ADSL: variants seen among roughly 807,000 people sequenced by gnomAD.
The protein encoded by ADSL is adenylosuccinate lyase, also known as adenylosuccinase.
A neutral mutation model predicts 62.1 loss-of-function variants in ADSL; 44 were observed. The observed-to-expected ratio is 0.71, with a 90% CI of 0.56 to 0.91. The LOEUF (loss-of-function observed/expected upper bound fraction) is 0.91. ADSL is among the 40% of genes least tolerant of loss of function. The pLI is 0.00. For synonymous variants in ADSL, 198 were observed against 220.5 expected (o/e 0.90, Z 0.90); for missense variants, 531 against 627.4 (o/e 0.85, Z 1.64).
Position 40,375,714 on chromosome 22 carries a change from C to A in ADSL, c.89+9216C>A, listed in dbSNP as rs142226519. Reference sequence around the variant, plus strand: ...AAATTATGTGACTTTTCTCACCCTTCTCTAGATATCTAATTAGCCTGCAAG... The same window carrying A: ...AAATTATGTGACTTTTCTCACCCTTATCTAGATATCTAATTAGCCTGCAAG... On this transcript the variant is annotated intron_variant, in intron 2 of 2. Transcript: ENST00000498234. 3.9e-4 allele frequency among the ~76,000 whole-genome samples: 59 copies of A among 150,384 alleles called. No individual in the cohort carries two copies. The Middle Eastern group carries it at 0.01, about 26-fold the overall frequency.
intron 2 of ADSL, among the ~76,000 whole-genome samples, chr22:40,376,832 T>G (rs1274196463): frequency 6.6e-6 from 1 of 152,212 alleles, no homozygotes; most frequent in Non-Finnish European, 1.5e-5. Context: ...TTTTGAAGAT[T>G]AAATAAAATC....
chr22:40,363,518 C>T lies in ADSL; in HGVS notation c.1101+447C>T, dbSNP rs187587606. 9.7e-3 allele frequency among the ~76,000 whole-genome samples: 1,476 copies of T among 151,702 alleles called. 16 individuals are homozygous for T. Among genetic ancestry groups the T allele is most frequent in the Non-Finnish European group, 0.017 (1,122 of 67,886 alleles). ...TGGGAGGCCGAGGCGGGCAGATCAC[C>T]TGAGGTCAGGAGTTCAAGACTAGCC... On this transcript the variant is annotated intron_variant, in intron 10 of 12. Coordinates refer to ENST00000623063, the MANE Select transcript of ADSL (RefSeq NM_000026.4).
Position 40,346,670 on chromosome 22 carries a change from A to T in ADSL, c.112A>T (p.Thr38Ser). 1 of 1,612,880 alleles carries T rather than the reference A, an allele frequency of 6.2e-7. No individual in the cohort carries two copies. The highest frequency in any genetic ancestry group is 8.5e-7 in the Non-Finnish European group (1 of 1,179,712). ...GTTTAGCGACAGGTATAAATTCCGGACATGGCGGCAGCTGTGGCTGTGGCT... is the reference window on the plus strand; with the variant it reads ...GTTTAGCGACAGGTATAAATTCCGGTCATGGCGGCAGCTGTGGCTGTGGCT... ...FVFSDRYKFR[T>S]WRQLWLWLAE... The change falls in exon 1 of 13, where the codon ACA (threonine) becomes TCA (serine). Residue 38 changes from threonine (T) to serine (S), a missense_variant. Thr to Ser is a moderately conservative substitution (Grantham distance 58). Coordinates refer to ENST00000623063, the MANE Select transcript of ADSL (RefSeq NM_000026.4).
intron 2 of ADSL, 111 bp downstream of exon 2, chr22:40,350,146 T>TC (rs1569087160): frequency 3.9e-4 from 408 of 1,039,534 alleles, no homozygotes; most frequent in Non-Finnish European, 5.3e-4. Context: ...TTTTTTTTTT[T>TC]TGAGGCAGAG....
Position 40,346,530 on chromosome 22 carries a change from G to C in ADSL, c.-29G>C, listed in dbSNP as rs2044143205. Reference sequence around the variant, plus strand: ...TCCGCTTCCGCTCTTCCCTGGTCCAGTCCACCCTGGCGGGGTCGCAGGGTT... The same window carrying C: ...TCCGCTTCCGCTCTTCCCTGGTCCACTCCACCCTGGCGGGGTCGCAGGGTT... On this transcript the variant is annotated 5_prime_UTR_variant, in exon 1 of 13. Transcript: ENST00000623063. 6.3e-7 allele frequency: 1 copy of C among 1,592,094 alleles called. No homozygotes were observed. The highest frequency in any genetic ancestry group is 1.7e-5 in the Admixed American group (1 of 57,816).
chr22:40,366,564 G>A lies in ADSL; in HGVS notation c.*42G>A. ...AACGAAAATCATTGTTAATTGCTGAGGCATGAAAATTGTGTTACTATAATG... is the reference window on the plus strand; with the variant it reads ...AACGAAAATCATTGTTAATTGCTGAAGCATGAAAATTGTGTTACTATAATG... On this transcript the variant is annotated 3_prime_UTR_variant, in exon 13 of 13. Transcript: ENST00000623063. 1.4e-6 allele frequency: 2 copies of A among 1,454,216 alleles called. No homozygotes were observed. Among genetic ancestry groups the A allele is most frequent in the Non-Finnish European group, 1.9e-6 (2 of 1,034,954 alleles). The allele number at this position is 1,454,216 out of a possible 1,614,324, so 90.1% of individuals were successfully genotyped here.
Position 40,346,509 on chromosome 22 carries a change from C to T in ADSL, c.-50C>T. ...TCCTGCCCTGGCCTCCAGGTTTCCG[C>T]TTCCGCTCTTCCCTGGTCCAGTCCA... On this transcript the variant is annotated 5_prime_UTR_variant, in exon 1 of 13. Coordinates refer to ENST00000623063, the MANE Select transcript of ADSL (RefSeq NM_000026.4). The T allele has an allele frequency of 6.4e-7, 1 of 1,563,568 alleles. No individual in the cohort carries two copies. The highest frequency in any genetic ancestry group is 8.6e-7 in the Non-Finnish European group (1 of 1,158,562).
At chr22:40,358,085 GT>G (rs1252429495) in intron 4 of ADSL, among the ~76,000 whole-genome samples, 1 of 151,790 alleles carries the variant, frequency 6.6e-6, no homozygotes, top group Non-Finnish European at 1.5e-5. Flanking sequence ...GCCTAATCTT[GT>G]TTTGTTTTCT....
chr22:40,363,367 AGGCAG>A (rs1175003310), intron 10 of ADSL, among the ~76,000 whole-genome samples: 1 of 152,192 alleles, frequency 6.6e-6, no homozygotes, highest in Non-Finnish European at 1.5e-5. Context: ...TAAGTACTTG[AGGCAG>A]ATGGGTTCAT....
In ADSL at chr22:40,365,101, G is replaced by A. The variant is rs372124734; in HGVS notation, c.1368+45G>A. 3.9e-5 allele frequency: 62 copies of A among 1,572,272 alleles called. 1 individual carries two copies. The South Asian group carries it at 5.4e-4, about 14-fold the overall frequency. ...CTTTTCTGCTGGGCTGCAGAACCTGGGGTACTCTCTTTGATGTTTTTGCTT... is the reference window on the plus strand; with the variant it reads ...CTTTTCTGCTGGGCTGCAGAACCTGAGGTACTCTCTTTGATGTTTTTGCTT... On this transcript the variant is annotated intron_variant, in intron 12 of 12. Transcript: ENST00000623063.
chr22:40,359,262 A>G lies in ADSL; in HGVS notation c.657A>G (p.Val219=). The change falls in exon 6 of 13, where the codon GTA becomes GTG. Residue 219 remains valine (V), a splice_region_variant and synonymous_variant. Coordinates refer to ENST00000623063, the MANE Select transcript of ADSL (RefSeq NM_000026.4). ...LQLFEGDDHK[V]EQLDKMVTEK... is the part of the protein sequence containing the mutation. Reference sequence around the variant, plus strand: ...AGGATGTGTCTTTTCTTTCCAAGGTAGAGCAGCTTGACAAGATGGTGACAG... The same window carrying G: ...AGGATGTGTCTTTTCTTTCCAAGGTGGAGCAGCTTGACAAGATGGTGACAG... The G allele has an allele frequency of 6.2e-7, 1 of 1,614,162 alleles. No homozygotes were observed. Among genetic ancestry groups the G allele is most frequent in the Non-Finnish European group, 8.5e-7 (1 of 1,180,008 alleles).
chr22:40,354,381 T>A (rs2044469789), intron 4 of ADSL, 54 bp downstream of exon 4: 1 of 1,368,994 alleles, frequency 7.3e-7, no homozygotes, highest in Non-Finnish European at 1.0e-6. Context: ...AGCTGCTTCT[T>A]GAGTTCTCTG....
In ADSL at chr22:40,369,200, T is replaced by C. The variant is rs1040140097; in HGVS notation, c.*2678T>C. 1 of 152,178 alleles carries C rather than the reference T, an allele frequency of 6.6e-6. No individual in the cohort carries two copies. The highest frequency in any genetic ancestry group is 2.4e-5 in the African/African-American group (1 of 41,430). The allele number at this position is 152,178 out of a possible 1,614,324, so 9.4% of individuals were successfully genotyped here. ...CCTAACAATTCTGTTAGACTAATGATCTCCAGTGATTGGCGATTTGACCTG... is the reference window on the plus strand; with the variant it reads ...CCTAACAATTCTGTTAGACTAATGACCTCCAGTGATTGGCGATTTGACCTG... On this transcript the variant is annotated 3_prime_UTR_variant, in exon 13 of 13. Coordinates refer to ENST00000623063, the MANE Select transcript of ADSL (RefSeq NM_000026.4).
At position 40,360,450 on chromosome 22, in the gene ADSL, A is replaced by G; in HGVS notation, c.750A>G (p.Glu250=). ...GQTYTRKVDI[E]VLSVLASLGA... ...CATATACACGAAAAGTGGATATTGA[A>G]GTACTGTCTGTGCTGGCTAGCTTGG... The change falls in exon 7 of 13, where the codon GAA becomes GAG. Residue 250 remains glutamate (E), a synonymous_variant. Transcript: ENST00000623063. 1 of 1,614,144 alleles carries G rather than the reference A, an allele frequency of 6.2e-7. No individual in the cohort carries two copies. The highest frequency in any genetic ancestry group is 8.5e-7 in the Non-Finnish European group (1 of 1,180,010).
chr22:40,364,429 G>A (rs1332368471), intron 11 of ADSL, 64 bp downstream of exon 11: 31 of 1,374,546 alleles, frequency 2.3e-5, no homozygotes, highest in Non-Finnish European at 3.0e-5. Context: ...TCTCTTCTCC[G>A]TGAAGGAGAG....
At chr22:40,376,798 G>A (rs1414162956) in intron 2 of ADSL, among the ~76,000 whole-genome samples, 2 of 151,976 alleles carry the variant, frequency 1.3e-5, no homozygotes, top group East Asian at 1.9e-4. Context: ...TTTTAATTTA[G>A]CATATAATCA....
chr22:40,364,176 G>T, intron 10 of ADSL, 100 bp from the exon 11 acceptor site: 1 of 861,590 alleles, frequency 1.2e-6, no homozygotes, highest in Non-Finnish European at 1.9e-6. Flanking sequence ...TAATGTGGTA[G>T]TTAGTGTCTG....
At chr22:40,354,017 C>T (rs368627966) in intron 3 of ADSL, 4 of 584,406 alleles carry the variant, frequency 6.8e-6, no homozygotes, top group Admixed American at 6.0e-5. Flanking sequence ...GTTTTTCTGC[C>T]GTGGTCTTAA....
rs533591396 is a variant in ADSL at position 40,374,397 on chromosome 22, G to A, written c.89+7899G>A. Among the ~76,000 whole-genome samples, 6 of 152,358 alleles carry A rather than the reference G, an allele frequency of 3.9e-5. No homozygotes were observed. The South Asian group carries it at 1.0e-3, about 26-fold the overall frequency. On this transcript the variant is annotated intron_variant, in intron 2 of 2. Coordinates refer to the ADSL transcript ENST00000498234. ...CTTAGGTATATACTTTTAGGGAAAA[G>A]CTGTATCCACTGAGAGATGACATGG...
Sources: gnomAD v4.1 joint callset for allele counts (sites outside exome capture counted in the v4.1 genomes callset) on GRCh38, gnomAD v4.1.1 for gene constraint, MANE v1.5 for transcripts, NCBI Gene and HGNC (gene_info 2026-07-23, HGNC 2026-07-21) for gene names.